HHLA1: variants seen among roughly 807,000 people sequenced by gnomAD.
HHLA1 encodes the protein HHLA1 neighbor of OC90, also known as HERV-H LTR-associating protein 1.
HHLA1 carries 72 observed loss-of-function variants against 69.9 expected under a neutral mutation model. The observed-to-expected ratio is 1.03, with a 90% CI of 0.85 to 1.25. The LOEUF is 1.25. Ranked by LOEUF, HHLA1 falls within the 50% of genes most tolerant of loss-of-function variation. The pLI, the probability that HHLA1 is intolerant of heterozygous loss-of-function variation, is 0.00. For synonymous variants in HHLA1, 252 were observed against 233.2 expected, an observed-to-expected ratio of 1.08 and a Z score of -0.73; for missense variants, 685 against 642.2, an observed-to-expected ratio of 1.07 and a Z score of -0.72.
chr8:132,088,013 A>G, intron 8 of HHLA1, 112 bp from the exon 9 acceptor site: 1 of 799,750 alleles, frequency 1.3e-6, no homozygotes, highest in Non-Finnish European at 2.1e-6. Flanking sequence ...ATATAGGAAA[A>G]TAAGCCTGAC....
At chr8:132,071,573 G>A (rs941851861) in intron 14 of HHLA1, 80 bp from the exon 15 acceptor site, 1 of 1,345,366 alleles carries the variant, frequency 7.4e-7, no homozygotes, top group African/African-American at 1.4e-5. Flanking sequence ...TGCATCAGGT[G>A]AATATAGTCT....
intron 7 of HHLA1, among the ~76,000 whole-genome samples, chr8:132,094,204 A>T (rs565224845): frequency 6.6e-6 from 1 of 152,102 alleles, no homozygotes; most frequent in Non-Finnish European, 1.5e-5. Flanking sequence ...TTAATATTAG[A>T]CTAAGTGGGG....
rs766077523 is a variant in HHLA1, at chr8:132,087,717, C to G, written c.612G>C (p.Trp204Cys). 2.6e-6 allele frequency: 4 copies of G among 1,551,372 alleles called. No individual in the cohort carries two copies. In the South Asian group the frequency reaches 4.8e-5, roughly 18 times the overall value. Residue 204 changes from tryptophan to cysteine, a missense_variant, in exon 10 of 17, where the codon TGG becomes TGC. By Grantham distance (215) the Trp-to-Cys change is radical. Coordinates refer to ENST00000414222, the MANE Select transcript of HHLA1 (RefSeq NM_001145095.3). The part of the protein sequence containing the change: ...GKSGRNLSDF[W>C]EIEEKYPIIN... Reference sequence around the variant, plus strand: ...TAATGGGATATTTTTCTTCTATCTCCCAGAAGTCAGAAAGATTCCTTCCTG... The same window carrying G: ...TAATGGGATATTTTTCTTCTATCTCGCAGAAGTCAGAAAGATTCCTTCCTG...
rs557239109 is a variant in HHLA1 at position 132,090,456 on chromosome 8, G to A, written c.449-857C>T. Among the ~76,000 whole-genome samples, 10 of 152,336 alleles carry A rather than the reference G, an allele frequency of 6.6e-5. No homozygotes were observed. In the South Asian group the frequency reaches 2.1e-3, roughly 32 times the overall value. On this transcript the variant is annotated intron_variant, in intron 7 of 16. Coordinates refer to ENST00000414222, the MANE Select transcript of HHLA1 (RefSeq NM_001145095.3). ...TGATTTCCCATCATGCTGTGTAAATGCTCCTTTCACTCATTAATGGGATCA... is the reference window on the plus strand; with the variant it reads ...TGATTTCCCATCATGCTGTGTAAATACTCCTTTCACTCATTAATGGGATCA...
intron 13 of HHLA1, among the ~76,000 whole-genome samples, 173 bp from the exon 14 acceptor site, chr8:132,076,302 C>T (rs1056874199): frequency 2.0e-5 from 3 of 152,164 alleles, no homozygotes; most frequent in South Asian, 2.1e-4. Flanking sequence ...TTTAGCAGCA[C>T]GGCAAGGCTT....
At chr8:132,081,020 C>T (rs1047223664) in intron 10 of HHLA1, 20 of 151,934 alleles carry the variant, frequency 1.3e-4, no homozygotes, top group African/African-American at 4.6e-4. Flanking sequence ...TTGGGAGGAC[C>T]TAGGACATCT....
intron 3 of HHLA1, among the ~76,000 whole-genome samples, chr8:132,102,343 A>G (rs1030748413): frequency 1.3e-5 from 2 of 152,226 alleles, no homozygotes; most frequent in African/African-American, 2.4e-5. Context: ...CCTTTTGCCA[A>G]TTGCCAAGCT....
At chr8:132,083,086 T>TG (rs965938463) in intron 10 of HHLA1, among the ~76,000 whole-genome samples, 7 of 149,492 alleles carry the variant, frequency 4.7e-5, no homozygotes, top group African/African-American at 7.5e-5. Flanking sequence ...TGGGTTAAGG[T>TG]GGGGGGGATA....
At chr8:132,078,086 T>C in intron 11 of HHLA1, 115 bp from the exon 12 acceptor site, 1 of 1,105,832 alleles carries the variant, frequency 9.0e-7, no homozygotes, top group East Asian at 2.6e-5. Context: ...TGTGAACGTG[T>C]AATATAAGTA....
Position 132,099,459 on chromosome 8 carries a change from A to G in HHLA1, c.200-497T>C, listed in dbSNP as rs143546131. The stretch of plus-strand genomic sequence containing the variant: ...GAAATTCAGAATTAATAGGTCCAGG[A>G]TGTGACCCAGAATGGAGGGAGAAAT... On this transcript the variant is annotated intron_variant, in intron 4 of 16. Transcript: ENST00000414222. Among the ~76,000 whole-genome samples the G allele has an allele frequency of 3.5e-3, 538 of 152,136 alleles. 2 individuals carry two copies. Among genetic ancestry groups the G allele is most frequent in the African/African-American group, 0.013 (519 of 41,396 alleles).
At chr8:132,096,463 C>A (rs1422086621) in intron 5 of HHLA1, among the ~76,000 whole-genome samples, 1 of 152,112 alleles carries the variant, frequency 6.6e-6, no homozygotes, top group Non-Finnish European at 1.5e-5. Context: ...CTGGTAATTA[C>A]AAAGTGGATA....
chr8:132,081,998 T>C (rs1823760515), intron 10 of HHLA1, among the ~76,000 whole-genome samples: 1 of 152,006 alleles, frequency 6.6e-6, no homozygotes, highest in Non-Finnish European at 1.5e-5. Context: ...TCAAGCGTGA[T>C]CAGGGTGAGG....
In HHLA1 at chr8:132,078,087, A is replaced by C. The variant is rs1267886064; in HGVS notation, c.926-116T>G. 3.8e-5 allele frequency: 42 copies of C among 1,104,154 alleles called. 1 individual carries two copies. In the East Asian group the frequency reaches 1.1e-3, roughly 29 times the overall value. The allele number at this position is 1,104,154 out of a possible 1,614,324, so 68.4% of individuals were successfully genotyped here. On this transcript the variant is annotated intron_variant, in intron 11 of 16. Coordinates refer to ENST00000414222, the MANE Select transcript of HHLA1 (RefSeq NM_001145095.3). ...AAGGGCAAATGCAATGTGAACGTGT[A>C]ATATAAGTAATCCAGGGGCTTAAAC...
At chr8:132,109,537 A>G (rs184173613) in intron 1 of HHLA1, among the ~76,000 whole-genome samples, 1 of 152,310 alleles carries the variant, frequency 6.6e-6, no homozygotes, top group East Asian at 1.9e-4. Context: ...TTCATCCCCT[A>G]GAGTACAATG....
chr8:132,068,210 C>G (rs776304232), intron 15 of HHLA1, among the ~76,000 whole-genome samples: 13 of 152,210 alleles, frequency 8.5e-5, no homozygotes, highest in Non-Finnish European at 1.2e-4. Context: ...GTTGCAGCAA[C>G]CACAGAAACA....
chr8:132,109,936 G>A (rs1403539273), intron 1 of HHLA1, among the ~76,000 whole-genome samples: 1 of 152,216 alleles, frequency 6.6e-6, no homozygotes, highest in Non-Finnish European at 1.5e-5. Context: ...AGTCACCCAA[G>A]AGTCTTGTGA....
At chr8:132,101,095 G>T (rs990240257) in intron 3 of HHLA1, 1 of 1,378,022 alleles carries the variant, frequency 7.3e-7, no homozygotes, top group African/African-American at 1.5e-5. Context: ...AATGACCATT[G>T]CAACAATAGG....
In HHLA1 at chr8:132,071,508, C is replaced by A. The variant is rs1823544481; in HGVS notation, c.1316-15G>T. ...CTGAGGACACCCTAGAAGATGCAAT[C>A]CCAGACCAATTAAATCAGTAAGAGT... On this transcript the variant is annotated splice_polypyrimidine_tract_variant and intron_variant, in intron 14 of 16. Coordinates refer to ENST00000414222, the MANE Select transcript of HHLA1 (RefSeq NM_001145095.3). 5.2e-6 allele frequency: 8 copies of A among 1,549,990 alleles called. No individual in the cohort carries two copies. The South Asian group carries it at 9.5e-5, about 18-fold the overall frequency.
chr8:132,079,945 G>T lies in HHLA1; in HGVS notation c.698C>A (p.Ala233Asp), dbSNP rs1294741032. ...GVLGAATRGT[A>D]RTSKPTTKSQ... ...TTTGGTTGTGGGCTTTGAAGTCCTG[G>T]CAGTTCCCCTGGTAGCTGCACCTTC... The change falls in exon 11 of 17, where the codon GCC (alanine) becomes GAC (aspartate). Residue 233 changes from alanine (A) to aspartate (D), a missense_variant. By Grantham distance (126) the Ala-to-Asp change is moderately radical. Coordinates refer to ENST00000414222, the MANE Select transcript of HHLA1 (RefSeq NM_001145095.3). 2 of 1,552,326 alleles carry T rather than the reference G, an allele frequency of 1.3e-6. No homozygotes were observed. Among genetic ancestry groups the T allele is most frequent in the East Asian group, 4.9e-5 (2 of 40,918 alleles).
Sources: allele counts gnomAD v4.1 joint callset (sites outside exome capture counted in the v4.1 genomes callset), GRCh38; gene constraint gnomAD v4.1.1; transcripts MANE v1.5; gene names NCBI Gene and HGNC (gene_info 2026-07-23, HGNC 2026-07-21).